The following RAC1 variants were observed in gnomAD, a reference collection of about 807,000 sequenced individuals.
The protein encoded by RAC1 is ras-related C3 botulinum toxin substrate 1.
A neutral mutation model predicts 25.2 loss-of-function variants in RAC1; 2 were observed. That is an observed-to-expected ratio of 0.08 (90% CI 0.03 to 0.25). The LOEUF (loss-of-function observed/expected upper bound fraction) is 0.25. Among genes scored for constraint, RAC1 ranks in the 10% least tolerant of loss-of-function variants. RAC1 has a pLI of 1.00. For synonymous variants in RAC1, 88 were observed against 94.0 expected, an observed-to-expected ratio of 0.94 and a Z score of 0.37; for missense variants, 50 against 235.7, an observed-to-expected ratio of 0.21 and a Z score of 5.16.
rs1399510542 is a variant in RAC1 at position 6,397,243 on chromosome 7, AAAAAAAAAAG to A, written c.226-2874_226-2865del. Among the ~76,000 whole-genome samples, 53 of 128,448 alleles carry A rather than the reference AAAAAAAAAAG, an allele frequency of 4.1e-4. No homozygotes were observed. The Middle Eastern group carries it at 0.012, about 29-fold the overall frequency. 84.3% of individuals were successfully genotyped at this position (128,448 alleles called of 152,430 possible). ...GCGACAGAGCGAGACTCTGTCTCAA[AAAAAAAAAAG>A]AAAAAAAAGAAAAAAAGAAAAGCTT... On this transcript the variant is annotated intron_variant, in intron 3 of 5. Transcript: ENST00000348035.
intron 1 of RAC1, among the ~76,000 whole-genome samples, chr7:6,377,240 C>CA (rs2115181226): frequency 1.3e-5 from 2 of 151,492 alleles, no homozygotes; most frequent in South Asian, 2.1e-4. Context: ...TGAACAAGCA[C>CA]AGTTATTTTT....
chr7:6,388,951 A>C (rs1221151327), intron 2 of RAC1, among the ~76,000 whole-genome samples: 1 of 152,110 alleles, frequency 6.6e-6, no homozygotes, highest in Non-Finnish European at 1.5e-5. Context: ...CTGTAATCCC[A>C]GCACTTTGGG....
chr7:6,388,591 A>T (rs1430014451), intron 2 of RAC1, among the ~76,000 whole-genome samples: 1 of 151,706 alleles, frequency 6.6e-6, no homozygotes, highest in Non-Finnish European at 1.5e-5. Context: ...TGATCTGCCC[A>T]CTTCAGCCTC....
At chr7:6,392,648 G>C (rs926656771) in intron 3 of RAC1, among the ~76,000 whole-genome samples, 6 of 152,192 alleles carry the variant, frequency 3.9e-5, no homozygotes, top group African/African-American at 1.2e-4. Flanking sequence ...AGCAGTAGCT[G>C]GTGAAAATGG....
intron 3 of RAC1, among the ~76,000 whole-genome samples, chr7:6,396,934 G>T (rs1783252689): frequency 6.6e-6 from 1 of 151,954 alleles, no homozygotes; most frequent in African/African-American, 2.4e-5. Flanking sequence ...GGAGGCTGAG[G>T]CAGGGAGAAT....
intron 3 of RAC1, among the ~76,000 whole-genome samples, chr7:6,398,218 G>C (rs1202056046): frequency 6.6e-6 from 1 of 152,236 alleles, no homozygotes; most frequent in African/African-American, 2.4e-5. Flanking sequence ...CCCTTTGGCA[G>C]GCATCATTTA....
chr7:6,391,644 T>TG, intron 2 of RAC1: 1 of 418,544 alleles, frequency 2.4e-6, no homozygotes, highest in South Asian at 3.6e-5. Flanking sequence ...TCTTAAACTT[T>TG]GTTTAAAGTA....
Position 6,396,785 on chromosome 7 carries a change from C to CT in RAC1, c.226-3338dup, listed in dbSNP as rs535846305. ...GTGGCTCACGCCTGTAATCCCAGCACTTTGGGAGGCCGAGGTGGGCGGATC... is the reference window on the plus strand; with the variant it reads ...GTGGCTCACGCCTGTAATCCCAGCACTTTTGGGAGGCCGAGGTGGGCGGATC... On this transcript the variant is annotated intron_variant, in intron 3 of 5. Coordinates refer to ENST00000348035, the MANE Select transcript of RAC1 (RefSeq NM_006908.5). 3.5e-3 allele frequency among the ~76,000 whole-genome samples: 533 copies of CT among 152,278 alleles called. 1 individual carries two copies. Among genetic ancestry groups the CT allele is most frequent in the African/African-American group, 0.012 (493 of 41,572 alleles).
chr7:6,391,186 C>T (rs535230101), intron 2 of RAC1, among the ~76,000 whole-genome samples: 7 of 152,144 alleles, frequency 4.6e-5, no homozygotes, highest in African/African-American at 7.2e-5. Flanking sequence ...GCGTGAGCCA[C>T]CGTGCCCAGC....
intron 4 of RAC1, among the ~76,000 whole-genome samples, chr7:6,400,916 C>T (rs923700598): frequency 6.6e-6 from 1 of 152,118 alleles, no homozygotes; most frequent in Non-Finnish European, 1.5e-5. Flanking sequence ...CTCAGGTGAT[C>T]CGCGCGTCTC....
Position 6,402,536 on chromosome 7 carries a change from A to AAC in RAC1, c.*92_*93dup, listed in dbSNP as rs1491166978. On this transcript the variant is annotated 3_prime_UTR_variant, in exon 6 of 6. Transcript: ENST00000348035. The stretch of plus-strand genomic sequence containing the variant: ...ACAAAAAAAAAAAACAAAAAAAAAA[A>AAC]ACAACGGTGGAGCCTTCGCACTCAA... The AAC allele has an allele frequency of 3.6e-5, 34 of 947,910 alleles. No individual in the cohort carries two copies. The highest frequency in any genetic ancestry group is 1.0e-4 in the East Asian group (2 of 19,624). The allele number at this position is 947,910 out of a possible 1,614,324, so 58.7% of individuals were successfully genotyped here.
At chr7:6,376,301 G>A (rs1183026269) in intron 1 of RAC1, among the ~76,000 whole-genome samples, 2 of 142,424 alleles carry the variant, frequency 1.4e-5, no homozygotes, top group Non-Finnish European at 3.0e-5. Context: ...TCCTGCCTCA[G>A]TGTCCTTAGT....
chr7:6,402,971 C>T lies in RAC1; in HGVS notation c.*525C>T, dbSNP rs769811766. The T allele has an allele frequency of 1.6e-5, 3 of 190,738 alleles. No individual in the cohort carries two copies. Among genetic ancestry groups the T allele is most frequent in the Non-Finnish European group, 3.3e-5 (3 of 90,794 alleles). 11.8% of individuals were successfully genotyped at this position (190,738 alleles called of 1,614,324 possible). ...CCAGTGAGTTAGCAGCACGTGTTCCCGACATAACATTGTACTGTAATGGAG... is the reference window on the plus strand; with the variant it reads ...CCAGTGAGTTAGCAGCACGTGTTCCTGACATAACATTGTACTGTAATGGAG... On this transcript the variant is annotated 3_prime_UTR_variant, in exon 6 of 6. Coordinates refer to ENST00000348035, the MANE Select transcript of RAC1 (RefSeq NM_006908.5).
At chr7:6,379,667 C>T (rs954997872) in intron 1 of RAC1, among the ~76,000 whole-genome samples, 1 of 152,240 alleles carries the variant, frequency 6.6e-6, no homozygotes, top group African/African-American at 2.4e-5. Context: ...GCCTTGGCCT[C>T]CCAAAGTGCT....
intron 1 of RAC1, among the ~76,000 whole-genome samples, chr7:6,375,534 C>T (rs557326690): frequency 6.4e-4 from 98 of 152,250 alleles, no homozygotes; most frequent in African/African-American, 2.1e-3. Context: ...TTATTTTCGA[C>T]AGGTTTTTTG....
rs756915705 is a variant in RAC1, at chr7:6,402,313, T to C, written c.449-3T>C. The C allele has an allele frequency of 1.2e-6, 2 of 1,604,398 alleles. No individual in the cohort carries two copies. Among genetic ancestry groups the C allele is most frequent in the East Asian group, 2.2e-5 (1 of 44,710 alleles). On this transcript the variant is annotated splice_region_variant and splice_polypyrimidine_tract_variant and intron_variant, in intron 5 of 5. Transcript: ENST00000348035. ...CATTGCCGTGTGGTCGTGTTTCCTG[T>C]AGGTGCTGTAAAATACCTGGAGTGC...
intron 1 of RAC1, among the ~76,000 whole-genome samples, chr7:6,381,376 G>C (rs1469960772): frequency 3.4e-5 from 5 of 146,784 alleles, no homozygotes; most frequent in Non-Finnish European, 5.9e-5. Flanking sequence ...GCTTCTAGTG[G>C]TAATAATTGC....
At chr7:6,380,718 A>G (rs1037403550) in intron 1 of RAC1, among the ~76,000 whole-genome samples, 1 of 152,202 alleles carries the variant, frequency 6.6e-6, no homozygotes, top group Non-Finnish European at 1.5e-5. Context: ...AGCATTGTAC[A>G]GTCAACATGC....
intron 4 of RAC1, among the ~76,000 whole-genome samples, 167 bp downstream of exon 4, chr7:6,400,355 C>T (rs1783362558): frequency 6.6e-6 from 1 of 151,284 alleles, no homozygotes; most frequent in African/African-American, 2.4e-5. Context: ...AGACGGAGGT[C>T]TCACTCTGTT....
Sources: gnomAD v4.1 joint callset for allele counts (sites outside exome capture counted in the v4.1 genomes callset) on GRCh38, gnomAD v4.1.1 for gene constraint, MANE v1.5 for transcripts, NCBI Gene and HGNC (gene_info 2026-07-23, HGNC 2026-07-21) for gene names.